The following MECOM variants were observed in gnomAD, a reference collection of about 807,000 sequenced individuals.
MECOM encodes the protein MDS1 and EVI1 complex locus.
A neutral mutation model predicts 116.3 loss-of-function variants in MECOM; 13 were observed. That is an observed-to-expected ratio of 0.11 (90% CI 0.07 to 0.18). MECOM has a LOEUF of 0.18. MECOM is among the 10% of genes least tolerant of loss of function. The probability of loss-of-function intolerance (pLI) is 1.00; values close to 1 mark genes in which losing one functional copy is unlikely to be tolerated. For missense variants in MECOM, 1,299 were observed against 1,509.0 expected, an observed-to-expected ratio of 0.86 and a Z score of 2.31; for synonymous variants, 528 against 535.2, an observed-to-expected ratio of 0.99 and a Z score of 0.19.
At chr3:169,644,287 C>T (rs890962149) in intron 1 of MECOM, among the ~76,000 whole-genome samples, 3 of 151,826 alleles carry the variant, frequency 2.0e-5, no homozygotes, top group Non-Finnish European at 2.9e-5. Context: ...GACAGGGTCT[C>T]ACTCTGTCGC....
intron 2 of MECOM, among the ~76,000 whole-genome samples, chr3:169,229,853 T>C (rs1256787031): frequency 6.6e-6 from 1 of 152,166 alleles, no homozygotes; most frequent in African/African-American, 2.4e-5. Flanking sequence ...TCAGCTACAA[T>C]GTTTTTTCAT....
intron 2 of MECOM, among the ~76,000 whole-genome samples, chr3:169,204,491 G>T (rs1749641364): frequency 6.6e-6 from 1 of 152,156 alleles, no homozygotes; most frequent in Non-Finnish European, 1.5e-5. Context: ...ATTGGAAACA[G>T]AATTATTTAT....
At chr3:169,458,971 G>A (rs1372533157) in intron 1 of MECOM, among the ~76,000 whole-genome samples, 2 of 152,168 alleles carry the variant, frequency 1.3e-5, no homozygotes, top group African/African-American at 2.4e-5. Context: ...CAGCTCAAGC[G>A]CAGCATTTAA....
At chr3:169,176,666 C>T (rs1261387656) in intron 2 of MECOM, among the ~76,000 whole-genome samples, 1 of 152,120 alleles carries the variant, frequency 6.6e-6, no homozygotes, top group Non-Finnish European at 1.5e-5. Context: ...AAACTATCAT[C>T]AGAGTGAACA....
chr3:169,327,392 C>A (rs1325877861), intron 2 of MECOM, among the ~76,000 whole-genome samples: 1 of 152,064 alleles, frequency 6.6e-6, no homozygotes, highest in Non-Finnish European at 1.5e-5. Flanking sequence ...GTAATCCCAA[C>A]ACTTTGGGAG....
At chr3:169,161,759 A>G (rs146014931) in intron 2 of MECOM, among the ~76,000 whole-genome samples, 5 of 152,074 alleles carry the variant, frequency 3.3e-5, no homozygotes, top group African/African-American at 1.2e-4. Context: ...TGAGTTTTGA[A>G]ATTTGATTAT....
At chr3:169,660,223 G>A (rs1042026691) in intron 1 of MECOM, among the ~76,000 whole-genome samples, 2 of 152,120 alleles carry the variant, frequency 1.3e-5, no homozygotes, top group Admixed American at 1.3e-4. Flanking sequence ...TGCCAGAGTC[G>A]GTTTGGCTTT....
chr3:169,123,374 C>T (rs1405324629), intron 5 of MECOM, among the ~76,000 whole-genome samples: 3 of 149,968 alleles, frequency 2.0e-5, no homozygotes, highest in Non-Finnish European at 4.4e-5. Flanking sequence ...AATTGGGGAG[C>T]AAAAAAGTGT....
At chr3:169,252,945 T>TC (rs1476323362) in intron 2 of MECOM, among the ~76,000 whole-genome samples, 1 of 152,220 alleles carries the variant, frequency 6.6e-6, no homozygotes, top group Non-Finnish European at 1.5e-5. Flanking sequence ...CATGTGCATT[T>TC]CAGTAAAATT....
chr3:169,379,034 G>C (rs2108264763), intron 2 of MECOM, among the ~76,000 whole-genome samples: 1 of 151,936 alleles, frequency 6.6e-6, no homozygotes, highest in Admixed American at 6.6e-5. Flanking sequence ...AAACCAGCTA[G>C]AGTTGAGAAA....
At chr3:169,171,127 T>A (rs1481032570) in intron 2 of MECOM, among the ~76,000 whole-genome samples, 2 of 152,352 alleles carry the variant, frequency 1.3e-5, no homozygotes, top group South Asian at 4.1e-4. Context: ...CATAATTTAA[T>A]GTTATACATA....
At chr3:169,619,016 TAA>T (rs1268942190) in intron 1 of MECOM, among the ~76,000 whole-genome samples, 2 of 137,738 alleles carry the variant, frequency 1.5e-5, no homozygotes, top group African/African-American at 2.7e-5. Flanking sequence ...TCTAAACATT[TAA>T]AAAAAAAAAA....
chr3:169,146,039 A>G (rs907891033), intron 2 of MECOM: 2 of 237,196 alleles, frequency 8.4e-6, no homozygotes, highest in Non-Finnish European at 1.6e-5. Context: ...AAATGTCTTA[A>G]TCGTGTCGGA....
intron 11 of MECOM, among the ~76,000 whole-genome samples, chr3:169,101,386 T>A (rs1478851120): frequency 6.6e-6 from 1 of 152,206 alleles, no homozygotes; most frequent in Non-Finnish European, 1.5e-5. Context: ...TAACTCCCTA[T>A]GCATAGAGTG....
chr3:169,278,284 A>G (rs909918942), intron 2 of MECOM, among the ~76,000 whole-genome samples: 3 of 152,230 alleles, frequency 2.0e-5, no homozygotes, highest in Non-Finnish European at 4.4e-5. Flanking sequence ...AACCCAAGCC[A>G]GGCCTTGATC....
intron 1 of MECOM, among the ~76,000 whole-genome samples, chr3:169,570,505 C>T (rs561488383): frequency 1.8e-4 from 28 of 152,238 alleles, no homozygotes; most frequent in African/African-American, 6.5e-4. Flanking sequence ...CAGCATCATC[C>T]TAATACCAAA....
At chr3:169,405,822 A>G (rs1400100758) in intron 1 of MECOM, among the ~76,000 whole-genome samples, 9 of 152,246 alleles carry the variant, frequency 5.9e-5, no homozygotes, top group Admixed American at 5.9e-4. Context: ...TGTACTTCTC[A>G]GGAGTGGCCC....
chr3:169,338,632 T>TGTGTGTGTGTGTGTGTG (rs199867460), intron 2 of MECOM, among the ~76,000 whole-genome samples: 1 of 149,628 alleles, frequency 6.7e-6, no homozygotes, highest in African/African-American at 2.5e-5. Flanking sequence ...TGTGTGTGTG[T>TGTGTGTGTGTGTGTGTG]TGGGAAGCAT....
intron 2 of MECOM, among the ~76,000 whole-genome samples, chr3:169,292,406 A>G (rs1714749068): frequency 6.6e-6 from 1 of 152,188 alleles, no homozygotes; most frequent in South Asian, 2.1e-4. Flanking sequence ...AGCAAGATCT[A>G]TTCACTGTGC....
Sources: gnomAD v4.1 joint callset for allele counts (sites outside exome capture counted in the v4.1 genomes callset) on GRCh38, gnomAD v4.1.1 for gene constraint, MANE v1.5 for transcripts, NCBI Gene and HGNC (gene_info 2026-07-23, HGNC 2026-07-21) for gene names.